Variants in SLC23A3 observed in about 807,000 individuals in gnomAD.
SLC23A3 encodes the protein E2-binding protein 3.
SLC23A3 carries 41 observed loss-of-function variants against 64.7 expected under a neutral mutation model. The ratio of observed to expected loss-of-function variants is 0.63; its 90% CI spans 0.49 to 0.82. SLC23A3 has a LOEUF of 0.82. SLC23A3 is among the 40% of genes least tolerant of loss of function. The pLI is 0.00. For missense variants in SLC23A3, 647 were observed against 733.4 expected, an observed-to-expected ratio of 0.88 and a Z score of 1.36; for synonymous variants, 281 against 306.8, an observed-to-expected ratio of 0.92 and a Z score of 0.88.
At chr2:219,168,860 A>G (rs770094910) in intron 4 of SLC23A3, 27 bp from the exon 5 acceptor site, 156 of 1,569,034 alleles carry the variant, frequency 9.9e-5, no homozygotes, top group Non-Finnish European at 1.3e-4. Flanking sequence ...GAGGATGGAG[A>G]GAAAACATTC....
intron 7 of SLC23A3, among the ~76,000 whole-genome samples, chr2:219,167,067 G>A (rs1460617254): frequency 1.3e-5 from 2 of 152,098 alleles, no homozygotes; most frequent in Non-Finnish European, 2.9e-5. Flanking sequence ...CAACCAGCCT[G>A]GACAACATGG....
At chr2:219,167,269 T>C (rs1323555842) in intron 7 of SLC23A3, among the ~76,000 whole-genome samples, 1 of 152,012 alleles carries the variant, frequency 6.6e-6, no homozygotes, top group Non-Finnish European at 1.5e-5. Flanking sequence ...AAAAGTAAAT[T>C]AAATAAATAA....
Position 219,169,788 on chromosome 2 carries a change from C to A in SLC23A3, c.162+35G>T. Reference sequence around the variant, plus strand: ...ACACCTACTTCCCCACACACACCATCAGGCAGCACCAACTCCTGCACCTCT... The same window carrying A: ...ACACCTACTTCCCCACACACACCATAAGGCAGCACCAACTCCTGCACCTCT... On this transcript the variant is annotated intron_variant, in intron 1 of 11. Transcript: ENST00000409878. The surrounding 1 kb of genome is among the most constrained non-coding windows in gnomAD (Gnocchi z 4.5). 6.2e-7 allele frequency: 1 copy of A among 1,611,554 alleles called. No individual in the cohort carries two copies. Among genetic ancestry groups the A allele is most frequent in the Non-Finnish European group, 8.5e-7 (1 of 1,178,636 alleles).
Position 219,168,770 on chromosome 2 carries a change from C to T in SLC23A3, c.556G>A (p.Gly186Ser), listed in dbSNP as rs1482031951. The T allele has an allele frequency of 3.7e-6, 6 of 1,610,402 alleles. No individual in the cohort carries two copies. Among genetic ancestry groups the T allele is most frequent in the East Asian group, 4.5e-5 (2 of 44,874 alleles). ...GGCCCACAGTGGGGGAACACGTGGC[C>T]GGGACTCCCCAGCAGCCCCATCATG... ...QGMMGLLGSP[G>S]HVFPHCGPLV... The change falls in exon 5 of 12, where the codon GGC becomes AGC. Residue 186 changes from glycine to serine, a missense_variant. Physicochemically the swap from Gly to Ser is moderately conservative, Grantham distance 56. Transcript: ENST00000409878.
Position 219,168,808 on chromosome 2 carries a change from C to G in SLC23A3, c.518G>C (p.Gly173Ala). Residue 173 changes from glycine (G) to alanine (A), a missense_variant, in exon 5 of 12, where the codon GGG becomes GCG. Physicochemically the swap from Gly to Ala is moderately conservative, Grantham distance 60. Coordinates refer to ENST00000409878, the MANE Select transcript of SLC23A3 (RefSeq NM_001144889.2). Reference sequence around the variant, plus strand: ...CAGCCCCATCATGCCCTGCAGCAGCCCAGATACTACCACTGCCCCGGACAC... The same window carrying G: ...CAGCCCCATCATGCCCTGCAGCAGCGCAGATACTACCACTGCCCCGGACAC... ...QEVSGAVVVS[G>A]LLQGMMGLLG... The G allele has an allele frequency of 6.3e-7, 1 of 1,594,646 alleles. No individual in the cohort carries two copies. The highest frequency in any genetic ancestry group is 1.1e-5 in the South Asian group (1 of 87,884).
chr2:219,168,408 G>A (rs917149753), intron 5 of SLC23A3, 90 bp from the exon 6 acceptor site: 45 of 1,404,874 alleles, frequency 3.2e-5, no homozygotes, highest in South Asian at 2.3e-4. Flanking sequence ...TCATAAGAGC[G>A]GGGGGTGATA....
At chr2:219,167,446 C>G (rs1385003078) in intron 7 of SLC23A3, among the ~76,000 whole-genome samples, 2 of 151,996 alleles carry the variant, frequency 1.3e-5, no homozygotes, top group Non-Finnish European at 2.9e-5. Context: ...ATGTCTGTCT[C>G]CTAACACTGA....
chr2:219,169,277 AC>A lies in SLC23A3; in HGVS notation c.418+31del. On this transcript the variant is annotated intron_variant, in intron 3 of 11. Coordinates refer to ENST00000409878, the MANE Select transcript of SLC23A3 (RefSeq NM_001144889.2). The surrounding 1 kb of genome is among the most constrained non-coding windows in gnomAD (Gnocchi z 4.5). ...CATGCTCAGATGAGAACCCAGCCCC[AC>A]CCTTACCCCTTGCCCTTGCTCTGTG... The A allele has an allele frequency of 6.2e-7, 1 of 1,613,816 alleles. No individual in the cohort carries two copies. The highest frequency in any genetic ancestry group is 8.5e-7 in the Non-Finnish European group (1 of 1,179,968).
chr2:219,164,825 C>T, intron 8 of SLC23A3: 1 of 315,172 alleles, frequency 3.2e-6, no homozygotes, highest in Non-Finnish European at 5.8e-6. Context: ...TCCCCACGTG[C>T]TAGGATTACA....
At chr2:219,163,274 G>T in intron 10 of SLC23A3, 114 bp downstream of exon 10, 1 of 1,009,062 alleles carries the variant, frequency 9.9e-7, no homozygotes, top group Non-Finnish European at 1.5e-6. Flanking sequence ...TTAAACAAAT[G>T]GATGAAGTAT....
chr2:219,167,975 G>A lies in SLC23A3; in HGVS notation c.868C>T (p.Leu290=), dbSNP rs1426110401. ...CATGGTGCCTTGGTGGGGGCAGACA[G>A]TTCCTGGGGGATAACACTGAATCCC... ...FVGFSVIPQE[L]SAPTKAPWIW... The change falls in exon 7 of 12, where the codon CTG becomes TTG. Residue 290 remains leucine (L), a synonymous_variant. Transcript: ENST00000409878. The A allele has an allele frequency of 1.9e-6, 3 of 1,590,074 alleles. No individual in the cohort carries two copies. Among genetic ancestry groups the A allele is most frequent in the Non-Finnish European group, 2.6e-6 (3 of 1,173,808 alleles).
At chr2:219,164,882 T>A (rs1187203102) in intron 8 of SLC23A3, 1 of 449,904 alleles carries the variant, frequency 2.2e-6, no homozygotes, top group African/African-American at 2.1e-5. Context: ...AGATACTTTT[T>A]TCCTTCAACT....
Position 219,169,577 on chromosome 2 carries a change from G to A in SLC23A3, c.264C>T (p.Ala88=). ...GLSYSPSQLL[A]SSFFSCGMST... ...ACATACCACATGAAAAGAAGCTGGA[G>A]GCCAGGAGCTGAGAAGGGGAGTAAG... Residue 88 remains alanine, a synonymous_variant, in exon 2 of 12, where the codon GCC becomes GCT. Coordinates refer to ENST00000409878, the MANE Select transcript of SLC23A3 (RefSeq NM_001144889.2). The surrounding 1 kb of genome is among the most constrained non-coding windows in gnomAD (Gnocchi z 4.5). 6.2e-7 allele frequency: 1 copy of A among 1,614,214 alleles called. No homozygotes were observed. Among genetic ancestry groups the A allele is most frequent in the Non-Finnish European group, 8.5e-7 (1 of 1,180,044 alleles).
At chr2:219,162,839 A>G (rs1949963172) in intron 10 of SLC23A3, among the ~76,000 whole-genome samples, 1 of 152,148 alleles carries the variant, frequency 6.6e-6, no homozygotes, top group South Asian at 2.1e-4. Context: ...TCTATCCACT[A>G]AACCCTAGTA....
Position 219,162,220 on chromosome 2 carries a change from T to C in SLC23A3, c.1538-16A>G, listed in dbSNP as rs778800261. 1 of 1,611,222 alleles carries C rather than the reference T, an allele frequency of 6.2e-7. No homozygotes were observed. The highest frequency in any genetic ancestry group is 1.3e-5 in the African/African-American group (1 of 74,980). On this transcript the variant is annotated splice_polypyrimidine_tract_variant and intron_variant, in intron 11 of 11. Transcript: ENST00000409878. ...AGCTGTGTGCCTGCAAAAGAGAGGTTTGTCAGGCTATTGCCCATCCCAGGG... is the reference window on the plus strand; with the variant it reads ...AGCTGTGTGCCTGCAAAAGAGAGGTCTGTCAGGCTATTGCCCATCCCAGGG...
In SLC23A3 at chr2:219,168,317, C is replaced by G; in HGVS notation, c.676G>C (p.Val226Leu). The stretch of plus-strand genomic sequence containing the variant: ...GAACAGACCACCATGAGCAGGATAA[C>G]CCTAGGAGACAGAAGGCTTTAGGAG... ...CFTHWGLALL[V>L]ILLMVVCSQH... The change falls in exon 6 of 12, where the codon GTT becomes CTT. Residue 226 changes from valine (V) to leucine (L), a missense_variant and splice_region_variant. Coordinates refer to ENST00000409878, the MANE Select transcript of SLC23A3 (RefSeq NM_001144889.2). The G allele has an allele frequency of 1.3e-6, 2 of 1,597,890 alleles. No individual in the cohort carries two copies. Among genetic ancestry groups the G allele is most frequent in the Non-Finnish European group, 1.7e-6 (2 of 1,172,432 alleles).
Position 219,168,245 on chromosome 2 carries a change from C to T in SLC23A3, c.748G>A (p.Ala250Thr). Residue 250 changes from alanine to threonine, a missense_variant, in exon 6 of 12, where the codon GCT (alanine) becomes ACT (threonine). Transcript: ENST00000409878. ...CQFHVCPWRR[A>T]STSSTHTPLP... ...GGAGTGTGAGTTGATGACGTTGAAG[C>T]TCGCCTCCAGGGGCACACATGAAAC... 2 of 1,613,984 alleles carry T rather than the reference C, an allele frequency of 1.2e-6. No homozygotes were observed. The highest frequency in any genetic ancestry group is 8.5e-7 in the Non-Finnish European group (1 of 1,179,958).
Position 219,169,251 on chromosome 2 carries a change from G to A in SLC23A3, c.418+58C>T. ...CTCAATTCTGCACCCACCTACACCT[G>A]CATGCTCAGATGAGAACCCAGCCCC... On this transcript the variant is annotated intron_variant, in intron 3 of 11. Coordinates refer to ENST00000409878, the MANE Select transcript of SLC23A3 (RefSeq NM_001144889.2). This position sits in a 1 kb window ranked among gnomAD's most constrained non-coding sequence, Gnocchi z 4.5. 5 of 1,613,464 alleles carry A rather than the reference G, an allele frequency of 3.1e-6. No individual in the cohort carries two copies. The highest frequency in any genetic ancestry group is 4.2e-6 in the Non-Finnish European group (5 of 1,179,824).
rs971869013 is a variant in SLC23A3 at position 219,163,472 on chromosome 2, T to A, written c.1357A>T (p.Asn453Tyr). ...FYLADIDSGR[N>Y]IFIVGFSIFM... ...ATGGAGAAGCCCACAATGAAGATAT[T>A]TCGCCCAGAGTCTATGTCAGCCAGG... Residue 453 changes from asparagine to tyrosine, a missense_variant, in exon 10 of 12, where the codon AAT becomes TAT. Transcript: ENST00000409878. 6.2e-7 allele frequency: 1 copy of A among 1,614,114 alleles called. No homozygotes were observed. Among genetic ancestry groups the A allele is most frequent in the Non-Finnish European group, 8.5e-7 (1 of 1,180,032 alleles).
Sources: allele counts gnomAD v4.1 joint callset (sites outside exome capture counted in the v4.1 genomes callset), GRCh38; gene constraint gnomAD v4.1.1; non-coding constraint Gnocchi (gnomAD v3.1); transcripts MANE v1.5; gene names NCBI Gene and HGNC (gene_info 2026-07-23, HGNC 2026-07-21).